RIN3: variants seen among roughly 807,000 people sequenced by gnomAD.
RIN3 encodes RAB5 interacting protein 3.
RIN3 carries 54 observed loss-of-function variants against 76.3 expected under a neutral mutation model. The observed-to-expected ratio is 0.71, with a 90% CI of 0.57 to 0.89. The LOEUF is 0.89. RIN3 is among the 40% of genes least tolerant of loss of function. The probability of loss-of-function intolerance (pLI) is 0.00; values close to 1 mark genes in which losing one functional copy is unlikely to be tolerated. For synonymous variants in RIN3, 576 were observed against 564.0 expected (o/e 1.02, Z -0.30); for missense variants, 1,256 against 1,322.1 (o/e 0.95, Z 0.78).
intron 4 of RIN3, among the ~76,000 whole-genome samples, chr14:92,635,643 G>A (rs775836633): frequency 4.6e-4 from 70 of 152,144 alleles, no homozygotes; most frequent in Admixed American, 3.9e-4. Context: ...CTTGAGGTTA[G>A]GAGTTTGAGA....
At chr14:92,601,897 T>C (rs1005803565) in intron 3 of RIN3, among the ~76,000 whole-genome samples, 5 of 152,272 alleles carry the variant, frequency 3.3e-5, no homozygotes, top group Non-Finnish European at 7.3e-5. Flanking sequence ...GACAAAGTCC[T>C]GGCTGCATTG....
At chr14:92,519,408 T>C (rs960053652) in intron 1 of RIN3, among the ~76,000 whole-genome samples, 2 of 152,188 alleles carry the variant, frequency 1.3e-5, no homozygotes, top group East Asian at 3.9e-4. Flanking sequence ...TGGGAAGGTT[T>C]CTCAGGCGGG....
chr14:92,631,081 T>C (rs1213476225), intron 4 of RIN3, among the ~76,000 whole-genome samples: 1 of 151,824 alleles, frequency 6.6e-6, no homozygotes, highest in Non-Finnish European at 1.5e-5. Flanking sequence ...CACAGAGGGG[T>C]GTTACAGTGG....
In RIN3 at chr14:92,652,886, G is replaced by A. The variant is rs774349311; in HGVS notation, c.1837G>A (p.Gly613Ser). 1 of 1,614,078 alleles carries A rather than the reference G, an allele frequency of 6.2e-7. No homozygotes were observed. Among genetic ancestry groups the A allele is most frequent in the Admixed American group, 1.7e-5 (1 of 60,034 alleles). Reference sequence around the variant, plus strand: ...GGTGGTGGAGCTGGCGCAGGACAAGGGCTCGTACTTTGGCAGCCTGGTGCA... The same window carrying A: ...GGTGGTGGAGCTGGCGCAGGACAAGAGCTCGTACTTTGGCAGCCTGGTGCA... ...KKVVELAQDK[G>S]SYFGSLVQDY... Residue 613 changes from glycine (G) to serine (S), a missense_variant, in exon 6 of 10, where the codon GGC becomes AGC. Gly to Ser is a moderately conservative substitution (Grantham distance 56). Around this residue, in one of 3 missense-constraint regions of RIN3, gnomAD observed 428 missense variants for 521.2 expected, o/e 0.82. Transcript: ENST00000216487. This position sits in a 1 kb window ranked among gnomAD's most constrained non-coding sequence, Gnocchi z 6.4.
intron 1 of RIN3, among the ~76,000 whole-genome samples, chr14:92,550,895 A>C (rs1362014337): frequency 3.3e-5 from 5 of 152,186 alleles, no homozygotes; most frequent in Non-Finnish European, 4.4e-5. Flanking sequence ...TTCACTATTA[A>C]AAATTTAAAA....
At chr14:92,675,392 A>C (rs574201725) in intron 7 of RIN3, among the ~76,000 whole-genome samples, 7 of 152,200 alleles carry the variant, frequency 4.6e-5, no homozygotes, top group Admixed American at 1.3e-4. Flanking sequence ...CACTTTTTGC[A>C]AGAGCTATAC....
At chr14:92,616,014 T>A (rs1168003173) in intron 4 of RIN3, 1 of 153,762 alleles carries the variant, frequency 6.5e-6, no homozygotes, top group African/African-American at 2.4e-5. Flanking sequence ...CAAGGGCTGG[T>A]TTAAAATGGG....
intron 8 of RIN3, among the ~76,000 whole-genome samples, chr14:92,680,052 G>A (rs1888608849): frequency 6.6e-6 from 1 of 152,186 alleles, no homozygotes; most frequent in African/African-American, 2.4e-5. Context: ...CCATGGAAAT[G>A]TATGTCTCTC....
intron 8 of RIN3, among the ~76,000 whole-genome samples, chr14:92,680,224 G>A (rs1888616643): frequency 7.1e-6 from 1 of 140,076 alleles, no homozygotes; most frequent in Non-Finnish European, 1.5e-5. Context: ...TTTTGAGACA[G>A]AGTCTCTGTC....
chr14:92,527,955 C>T (rs1896787020), intron 1 of RIN3, among the ~76,000 whole-genome samples: 3 of 151,488 alleles, frequency 2.0e-5, no homozygotes, highest in East Asian at 3.9e-4. Flanking sequence ...CACTAACAAA[C>T]GTTTGCATGT....
intron 1 of RIN3, among the ~76,000 whole-genome samples, chr14:92,544,365 G>C (rs933175034): frequency 1.6e-5 from 2 of 125,376 alleles, no homozygotes; most frequent in Admixed American, 2.2e-4. Flanking sequence ...GCTGTTCTTT[G>C]TCTCCAATGA....
intron 7 of RIN3, among the ~76,000 whole-genome samples, chr14:92,668,513 C>G (rs1888185353): frequency 6.6e-6 from 1 of 152,032 alleles, no homozygotes; most frequent in Admixed American, 6.5e-5. Context: ...CAGAGCAGAA[C>G]TGAGACTTAA....
chr14:92,596,637 T>G (rs1885157234), intron 3 of RIN3, among the ~76,000 whole-genome samples: 1 of 152,246 alleles, frequency 6.6e-6, no homozygotes, highest in African/African-American at 2.4e-5. Flanking sequence ...AGGGGATTTA[T>G]TTAACAAAGA....
intron 7 of RIN3, among the ~76,000 whole-genome samples, chr14:92,667,758 T>C (rs1595498980): frequency 6.6e-6 from 1 of 151,986 alleles, no homozygotes; most frequent in East Asian, 1.9e-4. Context: ...GTAAGTCCAA[T>C]TGCATAGAGG....
intron 2 of RIN3, among the ~76,000 whole-genome samples, chr14:92,574,376 C>T (rs910747258): frequency 1.3e-5 from 2 of 152,196 alleles, no homozygotes; most frequent in African/African-American, 2.4e-5. Flanking sequence ...CTCTACCTGG[C>T]TATGTTGCCT....
At chr14:92,520,235 C>T (rs745874019) in intron 1 of RIN3, among the ~76,000 whole-genome samples, 6 of 152,238 alleles carry the variant, frequency 3.9e-5, no homozygotes, top group Admixed American at 1.3e-4. Flanking sequence ...CTGTAAGTGA[C>T]GTGACGGCAC....
chr14:92,590,324 G>T (rs1884935788), intron 3 of RIN3, among the ~76,000 whole-genome samples: 1 of 152,306 alleles, frequency 6.6e-6, no homozygotes, highest in Admixed American at 6.5e-5. Context: ...ATGTTGAATT[G>T]CAATCCCCAA....
chr14:92,652,705 C>T lies in RIN3; in HGVS notation c.1656C>T (p.Thr552=), dbSNP rs780026519. 6 of 1,613,548 alleles carry T rather than the reference C, an allele frequency of 3.7e-6. No homozygotes were observed. In the South Asian group the frequency reaches 6.6e-5, roughly 18 times the overall value. Residue 552 remains threonine (T), a synonymous_variant, in exon 6 of 10, where the codon ACC becomes ACT. Transcript: ENST00000216487. This position sits in a 1 kb window ranked among gnomAD's most constrained non-coding sequence, Gnocchi z 6.4. ...CCACCGACCAGGACTCCTACTCCAC[C>T]AGCAGCACGGAGGAGGAGCTGGAGC... The part of the protein sequence containing the change: ...VMATDQDSYS[T]SSTEEELEQF...
chr14:92,684,253 G>A (rs1471987176), intron 8 of RIN3, among the ~76,000 whole-genome samples: 13 of 152,106 alleles, frequency 8.5e-5, no homozygotes, highest in East Asian at 7.7e-4. Flanking sequence ...GGTGGCATGC[G>A]CCTCTAATCC....
Sources: allele counts gnomAD v4.1 joint callset (sites outside exome capture counted in the v4.1 genomes callset), GRCh38; gene constraint gnomAD v4.1.1; regional missense constraint gnomAD v4.1.1; non-coding constraint Gnocchi (gnomAD v3.1); transcripts MANE v1.5; gene names NCBI Gene and HGNC (gene_info 2026-07-23, HGNC 2026-07-21).